The following FARS2 variants were observed in gnomAD, a reference collection of about 807,000 sequenced individuals.
FARS2 encodes phenylalanine--tRNA ligase, mitochondrial.
Under a neutral mutation model 46.4 loss-of-function variants are expected in FARS2, and 40 were observed. That is an observed-to-expected ratio of 0.86 (90% CI 0.67 to 1.12). The LOEUF (loss-of-function observed/expected upper bound fraction) is 1.12, where lower values mean the gene tolerates loss of function less well. FARS2 is among the 50% of genes most tolerant of loss of function. FARS2 has a pLI of 0.00. For synonymous variants in FARS2, 234 were observed against 214.9 expected, an observed-to-expected ratio of 1.09 and a Z score of -0.78; for missense variants, 513 against 567.9, an observed-to-expected ratio of 0.90 and a Z score of 0.98.
intron 3 of FARS2, among the ~76,000 whole-genome samples, chr6:5,422,521 A>G (rs1282678311): frequency 6.6e-6 from 1 of 152,166 alleles, no homozygotes; most frequent in Non-Finnish European, 1.5e-5. Context: ...GGAGGGCAGC[A>G]TGGGGCTGTG....
intron 1 of FARS2, among the ~76,000 whole-genome samples, chr6:5,353,326 A>T (rs749520052): frequency 6.6e-6 from 1 of 152,058 alleles, no homozygotes; most frequent in African/African-American, 2.4e-5. Flanking sequence ...AGTCGATTCC[A>T]TTTTTTGGCT....
intron 1 of FARS2, among the ~76,000 whole-genome samples, chr6:5,367,360 AT>A (rs1432140831): frequency 9.9e-5 from 15 of 152,196 alleles, no homozygotes; most frequent in African/African-American, 3.4e-4. Flanking sequence ...ATGGATTTTT[AT>A]AATTTAAGTT....
At chr6:5,598,975 G>C (rs1009168041) in intron 5 of FARS2, among the ~76,000 whole-genome samples, 1 of 152,196 alleles carries the variant, frequency 6.6e-6, no homozygotes, top group Admixed American at 6.5e-5. Context: ...CCAGCTTTGT[G>C]TGGATTCAGG....
intron 4 of FARS2, among the ~76,000 whole-genome samples, chr6:5,526,404 A>G (rs1769466484): frequency 7.2e-6 from 1 of 138,710 alleles, no homozygotes; most frequent in Non-Finnish European, 1.6e-5. Context: ...ATTACTTGGG[A>G]ATTATGGAAT....
intron 2 of FARS2, among the ~76,000 whole-genome samples, chr6:5,388,250 A>G (rs1162659080): frequency 1.3e-5 from 2 of 152,190 alleles, no homozygotes; most frequent in South Asian, 2.1e-4. Flanking sequence ...TTCAAAAATC[A>G]TACACTTGGC....
intron 6 of FARS2, among the ~76,000 whole-genome samples, chr6:5,686,903 G>A (rs1163088211): frequency 2.0e-5 from 3 of 152,244 alleles, no homozygotes; most frequent in Non-Finnish European, 4.4e-5. Flanking sequence ...TCTAACTGGT[G>A]TGAGATGGTA....
intron 5 of FARS2, among the ~76,000 whole-genome samples, chr6:5,611,322 G>A (rs1290746647): frequency 6.6e-6 from 1 of 152,180 alleles, no homozygotes; most frequent in Non-Finnish European, 1.5e-5. Context: ...CAGTAGGCTG[G>A]GCTGGCCTGA....
intron 4 of FARS2, among the ~76,000 whole-genome samples, chr6:5,503,936 A>G (rs1767955769): frequency 6.6e-6 from 1 of 152,162 alleles, no homozygotes; most frequent in African/African-American, 2.4e-5. Context: ...TCTTGTCTGC[A>G]TTTTTGCCCC....
In FARS2 at chr6:5,282,063, C is replaced by A. The variant is rs568123512; in HGVS notation, c.-22+20403C>A. 2.6e-5 allele frequency among the ~76,000 whole-genome samples: 4 copies of A among 152,284 alleles called. No homozygotes were observed. The East Asian group carries it at 7.7e-4, about 29-fold the overall frequency. On this transcript the variant is annotated intron_variant, in intron 1 of 6. Coordinates refer to ENST00000274680, the MANE Select transcript of FARS2 (RefSeq NM_006567.5). ...ATGTAATATTTTTAATACTTCCTAG[C>A]TTGTCAGTATAATGCCATTGTGAAT...
At chr6:5,650,575 G>A (rs1340365157) in intron 6 of FARS2, among the ~76,000 whole-genome samples, 2 of 152,202 alleles carry the variant, frequency 1.3e-5, no homozygotes, top group Middle Eastern at 3.4e-3. Context: ...CCCCCTCCTG[G>A]GTTCACGCCA....
At position 5,541,273 on chromosome 6, in the gene FARS2, A is replaced by G. The variant is rs180902552; in HGVS notation, c.905-3907A>G. 2.6e-5 allele frequency among the ~76,000 whole-genome samples: 4 copies of G among 152,346 alleles called. No individual in the cohort carries two copies. The East Asian group carries it at 5.8e-4, about 22-fold the overall frequency. ...AGTAACCGTTGAGAAACTTACAGCA[A>G]TTTGACTTGGTACTGCCGTGTCATT... On this transcript the variant is annotated intron_variant, in intron 4 of 6. Coordinates refer to ENST00000274680, the MANE Select transcript of FARS2 (RefSeq NM_006567.5).
chr6:5,379,296 G>A (rs1239397976), intron 2 of FARS2, among the ~76,000 whole-genome samples: 2 of 152,152 alleles, frequency 1.3e-5, no homozygotes, highest in Non-Finnish European at 2.9e-5. Context: ...TCACCTATCT[G>A]CTTGTCTAGT....
intron 4 of FARS2, among the ~76,000 whole-genome samples, chr6:5,467,770 C>T (rs1261177725): frequency 2.0e-5 from 3 of 152,114 alleles, no homozygotes; most frequent in Non-Finnish European, 2.9e-5. Context: ...TAAATGTGGT[C>T]AGACCAAAAG....
In FARS2 at chr6:5,417,206, G is replaced by GT. The variant is rs202199755; in HGVS notation, c.772+12513dup. Reference sequence around the variant, plus strand: ...CTGGGAAAAGAATTCTAGATTAATAGTTTTTTTTACCTCTGTGTATTTATT... The same window carrying GT: ...CTGGGAAAAGAATTCTAGATTAATAGTTTTTTTTTACCTCTGTGTATTTATT... On this transcript the variant is annotated intron_variant, in intron 3 of 6. Transcript: ENST00000274680. 5.9e-5 allele frequency among the ~76,000 whole-genome samples: 9 copies of GT among 151,882 alleles called. No homozygotes were observed. The East Asian group carries it at 1.2e-3, about 20-fold the overall frequency.
At chr6:5,604,645 A>G (rs924945424) in intron 5 of FARS2, among the ~76,000 whole-genome samples, 6 of 152,248 alleles carry the variant, frequency 3.9e-5, no homozygotes, top group Admixed American at 2.6e-4. Context: ...CATTGAAAGT[A>G]GTTACCACAA....
chr6:5,289,079 T>C (rs1325121701), intron 1 of FARS2, among the ~76,000 whole-genome samples: 1 of 152,210 alleles, frequency 6.6e-6, no homozygotes, highest in Non-Finnish European at 1.5e-5. Flanking sequence ...GATTTTAGCA[T>C]TGATAACTGA....
intron 3 of FARS2, among the ~76,000 whole-genome samples, chr6:5,422,248 A>G (rs1240666588): frequency 6.6e-6 from 1 of 152,016 alleles, no homozygotes; most frequent in Non-Finnish European, 1.5e-5. Flanking sequence ...TGATTCAGTT[A>G]CCTCCCACTG....
rs76630776 is a variant in FARS2, at chr6:5,378,451, C to T, written c.612+9269C>T. ...TCTCACTTTTGCTGCCTTTGATATT[C>T]TCTCCCACTTTCCAGATGGTTCACT... On this transcript the variant is annotated intron_variant, in intron 2 of 6. Coordinates refer to ENST00000274680, the MANE Select transcript of FARS2 (RefSeq NM_006567.5). 3.5e-3 allele frequency among the ~76,000 whole-genome samples: 530 copies of T among 152,326 alleles called. 1 individual carries two copies. Among genetic ancestry groups the T allele is most frequent in the African/African-American group, 0.012 (487 of 41,574 alleles).
chr6:5,654,695 A>T lies in FARS2; in HGVS notation c.1217+41375A>T, dbSNP rs952784800. On this transcript the variant is annotated intron_variant, in intron 6 of 6. Transcript: ENST00000274680. ...ACTGCACCTGAGACCCCTCGGTGGG[A>T]GGTTTCAGTATCTATCCTGTCAGGA... 3.0e-4 allele frequency among the ~76,000 whole-genome samples: 45 copies of T among 152,056 alleles called. 1 individual carries two copies. Among genetic ancestry groups the T allele is most frequent in the African/African-American group, 9.9e-4 (41 of 41,482 alleles).
Sources: gnomAD v4.1 joint callset for allele counts (sites outside exome capture counted in the v4.1 genomes callset) on GRCh38, gnomAD v4.1.1 for gene constraint, MANE v1.5 for transcripts, NCBI Gene and HGNC (gene_info 2026-07-23, HGNC 2026-07-21) for gene names.